Variants in HIP1 observed in about 807,000 individuals in gnomAD.
HIP1 encodes the protein huntingtin-interacting protein 1.
Under a neutral mutation model 147.6 loss-of-function variants are expected in HIP1, and 65 were observed. The ratio of observed to expected loss-of-function variants is 0.44; its 90% CI spans 0.36 to 0.54. The LOEUF (loss-of-function observed/expected upper bound fraction) is 0.54. Among genes scored for constraint, HIP1 ranks in the 20% least tolerant of loss-of-function variants. The pLI is 0.00. For synonymous variants in HIP1, 479 were observed against 504.0 expected (o/e 0.95, Z 0.67); for missense variants, 1,061 against 1,299.6 (o/e 0.82, Z 2.82).
chr7:75,666,474 C>CTTTTAA (rs1554514645), intron 1 of HIP1, among the ~76,000 whole-genome samples: 3 of 152,064 alleles, frequency 2.0e-5, no homozygotes, highest in African/African-American at 7.2e-5. Flanking sequence ...CAGGCCCATG[C>CTTTTAA]ATTATATATT....
intron 1 of HIP1, among the ~76,000 whole-genome samples, chr7:75,613,715 C>G (rs961643202): frequency 6.6e-6 from 1 of 152,218 alleles, no homozygotes; most frequent in African/African-American, 2.4e-5. Context: ...CCAACACAAA[C>G]CTGTTGCCAA....
intron 22 of HIP1, among the ~76,000 whole-genome samples, chr7:75,549,864 T>TG (rs1554491807): frequency 1.4e-5 from 2 of 144,034 alleles, no homozygotes; most frequent in Admixed American, 1.4e-4. Flanking sequence ...TTAATAGAGA[T>TG]GGGGTCTCAC....
At chr7:75,557,964 G>T (rs587719631) in intron 15 of HIP1, among the ~76,000 whole-genome samples, 194 bp from the exon 16 acceptor site, 3 of 152,300 alleles carry the variant, frequency 2.0e-5, no homozygotes, top group African/African-American at 7.2e-5. Flanking sequence ...AAAGAAGGTG[G>T]GTGACCTACA....
intron 1 of HIP1, among the ~76,000 whole-genome samples, chr7:75,677,332 G>C (rs138249867): frequency 6.6e-6 from 1 of 151,512 alleles, no homozygotes; most frequent in Non-Finnish European, 1.5e-5. Flanking sequence ...TCAGCCAGGC[G>C]TGGTGGCTCA....
chr7:75,671,266 G>T (rs1228903289), intron 1 of HIP1, among the ~76,000 whole-genome samples: 3 of 151,820 alleles, frequency 2.0e-5, no homozygotes, highest in African/African-American at 7.3e-5. Flanking sequence ...GCTAATTTTT[G>T]TATTTTTAGT....
intron 1 of HIP1, 53 bp from the exon 2 acceptor site, chr7:75,599,300 A>G: frequency 7.5e-7 from 1 of 1,337,302 alleles, no homozygotes; most frequent in Non-Finnish European, 1.1e-6. Flanking sequence ...TAAGCCTCTG[A>G]GAGTGGCTGA....
At chr7:75,685,103 TAAATAAAAATAAA>T (rs1289275221) in intron 1 of HIP1, among the ~76,000 whole-genome samples, 4 of 151,114 alleles carry the variant, frequency 2.6e-5, no homozygotes, top group South Asian at 4.2e-4. Flanking sequence ...AAAAAATAAA[TAAATAAAAATAAA>T]AAATAAAAAT....
intron 1 of HIP1, among the ~76,000 whole-genome samples, chr7:75,721,438 A>G (rs1801501391): frequency 6.6e-6 from 1 of 151,954 alleles, no homozygotes; most frequent in South Asian, 2.1e-4. Context: ...AGGCTCTAAG[A>G]GGATGGCTTG....
At chr7:75,539,048 T>A (rs1375407519) in intron 30 of HIP1, among the ~76,000 whole-genome samples, 1 of 152,214 alleles carries the variant, frequency 6.6e-6, no homozygotes, top group Non-Finnish European at 1.5e-5. Flanking sequence ...CAAGGCTAGC[T>A]GGGCCTGGGA....
intron 16 of HIP1, among the ~76,000 whole-genome samples, 163 bp from the exon 17 acceptor site, chr7:75,556,974 C>T (rs1795030787): frequency 2.0e-5 from 3 of 151,962 alleles, no homozygotes; most frequent in Non-Finnish European, 1.5e-5. Context: ...GGAGGCAAGA[C>T]CCCAGAGTGT....
At position 75,595,187 on chromosome 7, in the gene HIP1, C is replaced by CCTTTCTTTCTTTCTTT. The variant is rs587760351; in HGVS notation, c.185-2689_185-2674dup. The stretch of plus-strand genomic sequence containing the variant: ...TAAAATCAGCTTTTGGTGTAGGAGT[C>CCTTTCTTTCTTTCTTT]CTTTCTTTCTTTCTTTCTTTCTTTC... On this transcript the variant is annotated intron_variant, in intron 2 of 30. Coordinates refer to ENST00000336926, the MANE Select transcript of HIP1 (RefSeq NM_005338.7). Among the ~76,000 whole-genome samples, 171 of 108,474 alleles carry CCTTTCTTTCTTTCTTT rather than the reference C, an allele frequency of 1.6e-3. 5 individuals carry two copies. Among genetic ancestry groups the CCTTTCTTTCTTTCTTT allele is most frequent in the Non-Finnish European group, 2.4e-3 (117 of 49,720 alleles). 71.2% of individuals were successfully genotyped at this position (108,474 alleles called of 152,430 possible). A position where few individuals can be genotyped will look rare whatever the true frequency, so the allele number is the denominator to read the frequency against.
intron 1 of HIP1, among the ~76,000 whole-genome samples, chr7:75,732,220 A>C (rs1413800040): frequency 1.3e-5 from 2 of 152,138 alleles, no homozygotes; most frequent in African/African-American, 4.8e-5. Context: ...ATCACCCAGC[A>C]TGTTCCTGGT....
At chr7:75,670,162 T>G (rs2117242856) in intron 1 of HIP1, among the ~76,000 whole-genome samples, 1 of 152,216 alleles carries the variant, frequency 6.6e-6, no homozygotes, top group African/African-American at 2.4e-5. Flanking sequence ...ATTTTTCTTT[T>G]TTTGAGACAG....
At chr7:75,625,993 T>C (rs1226385983) in intron 1 of HIP1, 1 of 152,136 alleles carries the variant, frequency 6.6e-6, no homozygotes, top group Non-Finnish European at 1.5e-5. Context: ...ACCTTTTTTT[T>C]TGCCATGTGA....
At chr7:75,583,691 G>A (rs1252894249) in intron 5 of HIP1, among the ~76,000 whole-genome samples, 5 of 151,598 alleles carry the variant, frequency 3.3e-5, no homozygotes, top group African/African-American at 1.2e-4. Flanking sequence ...CTGGGCTCAA[G>A]TGATCCTCCA....
At chr7:75,734,353 G>A (rs1258379884) in intron 1 of HIP1, among the ~76,000 whole-genome samples, 2 of 152,104 alleles carry the variant, frequency 1.3e-5, no homozygotes, top group African/African-American at 4.8e-5. Context: ...GGCTAAGGCA[G>A]GAGGATCACT....
At chr7:75,570,637 G>T (rs587771597) in intron 8 of HIP1, among the ~76,000 whole-genome samples, 2 of 152,248 alleles carry the variant, frequency 1.3e-5, no homozygotes, top group Admixed American at 1.3e-4. Context: ...AGGGAAAATG[G>T]AACTGGGTAT....
chr7:75,627,161 C>T (rs190572083), intron 1 of HIP1, among the ~76,000 whole-genome samples: 3 of 152,296 alleles, frequency 2.0e-5, no homozygotes, highest in Admixed American at 2.0e-4. Flanking sequence ...GCACTCAAGG[C>T]TATCTCTCCT....
At chr7:75,649,389 C>T (rs1798903100) in intron 1 of HIP1, among the ~76,000 whole-genome samples, 1 of 152,140 alleles carries the variant, frequency 6.6e-6, no homozygotes, top group Non-Finnish European at 1.5e-5. Flanking sequence ...TTGAGTGAAC[C>T]TAAATTACTA....
Sources: gnomAD v4.1 joint callset for allele counts (sites outside exome capture counted in the v4.1 genomes callset) on GRCh38, gnomAD v4.1.1 for gene constraint, MANE v1.5 for transcripts, NCBI Gene and HGNC (gene_info 2026-07-23, HGNC 2026-07-21) for gene names.